DAB1: variants seen among roughly 807,000 people sequenced by gnomAD.
The protein encoded by DAB1 is disabled homolog 1.
DAB1 carries 15 observed loss-of-function variants against 64.6 expected under a neutral mutation model. The observed-to-expected ratio is 0.23, with a 90% CI of 0.16 to 0.36. The LOEUF (loss-of-function observed/expected upper bound fraction) is 0.36. Ranked by LOEUF, DAB1 falls within the 10% of genes least tolerant of loss-of-function variation. DAB1 has a pLI of 1.00. For synonymous variants in DAB1, 235 were observed against 251.9 expected (o/e 0.93, Z 0.64); for missense variants, 596 against 706.7 (o/e 0.84, Z 1.78).
intron 3 of DAB1, among the ~76,000 whole-genome samples, chr1:58,391,998 G>T (rs1644480020): frequency 6.6e-6 from 1 of 152,214 alleles, no homozygotes; most frequent in African/African-American, 2.4e-5. Context: ...GGGCACATAG[G>T]CATTCATGAA....
chr1:58,304,672 T>G (rs1161560213), intron 4 of DAB1, among the ~76,000 whole-genome samples: 1 of 152,160 alleles, frequency 6.6e-6, no homozygotes, highest in Non-Finnish European at 1.5e-5. Context: ...CCATTGCTGC[T>G]CTACAGAAAA....
chr1:57,548,478 A>G (rs1181591795), intron 7 of DAB1, among the ~76,000 whole-genome samples: 1 of 152,144 alleles, frequency 6.6e-6, no homozygotes, highest in Admixed American at 6.5e-5. Flanking sequence ...AATCTGTTCA[A>G]CAAAGATCTA....
At position 57,663,449 on chromosome 1, in the gene DAB1, G is replaced by C. The variant is rs115580741; in HGVS notation, n.552-13784C>G. Among the ~76,000 whole-genome samples, 1,259 of 152,254 alleles carry C rather than the reference G, an allele frequency of 8.3e-3. 16 individuals are homozygous for C. Among genetic ancestry groups the C allele is most frequent in the African/African-American group, 0.029 (1,212 of 41,538 alleles). Reference sequence around the variant, plus strand: ...TATACATTAGTAAAAGGTTAAGATGGGAGTCAAAGGATTTCTGGCCTCAGA... The same window carrying C: ...TATACATTAGTAAAAGGTTAAGATGCGAGTCAAAGGATTTCTGGCCTCAGA... On this transcript the variant is annotated intron_variant and non_coding_transcript_variant, in intron 6 of 20. Transcript: ENST00000485760.
chr1:57,792,547 G>T (rs1650654159), intron 6 of DAB1, among the ~76,000 whole-genome samples: 4 of 152,270 alleles, frequency 2.6e-5, no homozygotes, highest in African/African-American at 2.4e-5. Flanking sequence ...AGGAGCAACT[G>T]GTCATTGGTC....
At chr1:57,523,135 A>C in intron 7 of DAB1, among the ~76,000 whole-genome samples, 1 of 152,132 alleles carries the variant, frequency 6.6e-6, no homozygotes, top group South Asian at 2.1e-4. Flanking sequence ...ATATATATCT[A>C]TTCTATTAGT....
chr1:57,446,738 T>C (rs1381572521), intron 7 of DAB1, among the ~76,000 whole-genome samples: 2 of 152,176 alleles, frequency 1.3e-5, no homozygotes, highest in African/African-American at 4.8e-5. Flanking sequence ...ATATCTGGAA[T>C]TGGTAAATCT....
chr1:57,738,646 T>C (rs535829003), intron 6 of DAB1, among the ~76,000 whole-genome samples: 35 of 152,334 alleles, frequency 2.3e-4, no homozygotes, highest in Admixed American at 4.6e-4. Context: ...CTGGCAGCAC[T>C]GAGTGCATTT....
chr1:58,103,222 G>A (rs1329064243), intron 5 of DAB1, among the ~76,000 whole-genome samples: 1 of 152,134 alleles, frequency 6.6e-6, no homozygotes, highest in Non-Finnish European at 1.5e-5. Context: ...AAAGGCTACA[G>A]CCCATCTTGC....
chr1:58,043,982 T>C (rs1165190032), intron 5 of DAB1, among the ~76,000 whole-genome samples: 1 of 152,198 alleles, frequency 6.6e-6, no homozygotes, highest in African/African-American at 2.4e-5. Context: ...TGCCTTGGCC[T>C]CTCAAAGTGC....
At chr1:57,004,175 C>G (rs1359869458) in intron 14 of DAB1, among the ~76,000 whole-genome samples, 1 of 152,172 alleles carries the variant, frequency 6.6e-6, no homozygotes, top group Non-Finnish European at 1.5e-5. Flanking sequence ...GGGAGCAGCT[C>G]AGGGTTCAGA....
At chr1:57,118,665 T>C (rs1200004925) in intron 4 of DAB1, among the ~76,000 whole-genome samples, 2 of 152,224 alleles carry the variant, frequency 1.3e-5, no homozygotes, top group African/African-American at 4.8e-5. Flanking sequence ...GCACATTCCT[T>C]AACTTCTCTA....
At chr1:57,369,932 T>C (rs554186035) in intron 1 of DAB1, among the ~76,000 whole-genome samples, 9 of 152,324 alleles carry the variant, frequency 5.9e-5, no homozygotes, top group Admixed American at 5.9e-4. Flanking sequence ...TGTTGGGTCT[T>C]AAATCAAGGC....
intron 6 of DAB1, among the ~76,000 whole-genome samples, chr1:57,660,583 C>A (rs554138019): frequency 6.6e-6 from 1 of 152,208 alleles, no homozygotes; most frequent in Non-Finnish European, 1.5e-5. Context: ...AGACATGCTG[C>A]GTGACAGATT....
intron 4 of DAB1, among the ~76,000 whole-genome samples, chr1:58,225,691 T>G (rs1659433318): frequency 6.6e-6 from 1 of 151,426 alleles, no homozygotes; most frequent in Middle Eastern, 3.2e-3. Context: ...AAACCATCAT[T>G]CTCAGCAAAC....
chr1:58,176,808 T>A (rs1656507187), intron 4 of DAB1, among the ~76,000 whole-genome samples: 1 of 151,966 alleles, frequency 6.6e-6, no homozygotes, highest in Non-Finnish European at 1.5e-5. Flanking sequence ...TGAAACACCG[T>A]CTCTACTAAA....
chr1:58,518,164 C>A (rs1181692141), intron 2 of DAB1, among the ~76,000 whole-genome samples: 1 of 129,878 alleles, frequency 7.7e-6, no homozygotes, highest in Non-Finnish European at 1.6e-5. Flanking sequence ...CCAGCCTGGG[C>A]AACAAAAGTG....
intron 5 of DAB1, among the ~76,000 whole-genome samples, chr1:58,035,268 C>A (rs1647027423): frequency 6.6e-6 from 1 of 152,230 alleles, no homozygotes; most frequent in African/African-American, 2.4e-5. Flanking sequence ...TGAGCTACCC[C>A]AAACACCACC....
intron 1 of DAB1, chr1:58,538,710 T>A (rs1274163793): frequency 1.5e-5 from 9 of 600,846 alleles, no homozygotes; most frequent in Non-Finnish European, 2.3e-5. Flanking sequence ...AATAAAAAAA[T>A]TAATTTCTAA....
At chr1:57,594,621 A>T (rs1263849094) in intron 7 of DAB1, among the ~76,000 whole-genome samples, 1 of 152,220 alleles carries the variant, frequency 6.6e-6, no homozygotes, top group Non-Finnish European at 1.5e-5. Context: ...AATGCTATTT[A>T]CCCAGGAAAA....
Sources: gnomAD v4.1 joint callset for allele counts (sites outside exome capture counted in the v4.1 genomes callset) on GRCh38, gnomAD v4.1.1 for gene constraint, MANE v1.5 for transcripts, NCBI Gene and HGNC (gene_info 2026-07-23, HGNC 2026-07-21) for gene names.